The following LHFPL3 variants were observed in gnomAD, a reference collection of about 807,000 sequenced individuals.
LHFPL3 encodes LHFPL tetraspan subfamily member 3 protein.
Under a neutral mutation model 19.3 loss-of-function variants are expected in LHFPL3, and 5 were observed. The ratio of observed to expected loss-of-function variants is 0.26; its 90% CI spans 0.14 to 0.54. The LOEUF (loss-of-function observed/expected upper bound fraction) is 0.54. Among genes scored for constraint, LHFPL3 ranks in the 20% least tolerant of loss-of-function variants. The probability of loss-of-function intolerance (pLI) is 0.94; values close to 1 mark genes in which losing one functional copy is unlikely to be tolerated. For missense variants in LHFPL3, 249 were observed against 307.4 expected, an observed-to-expected ratio of 0.81 and a Z score of 1.42; for synonymous variants, 133 against 126.2, an observed-to-expected ratio of 1.05 and a Z score of -0.36.
intron 2 of LHFPL3, among the ~76,000 whole-genome samples, chr7:104,825,569 A>T (rs1790801391): frequency 6.6e-6 from 1 of 151,990 alleles, no homozygotes; most frequent in African/African-American, 2.4e-5. Context: ...GGATTAAGTC[A>T]GCTGCACATA....
chr7:104,587,091 C>A (rs1172810271), intron 1 of LHFPL3, among the ~76,000 whole-genome samples: 3 of 151,452 alleles, frequency 2.0e-5, no homozygotes, highest in Admixed American at 2.0e-4. Context: ...ATTCATTTAG[C>A]CTGTTTTTTT....
At chr7:104,391,057 T>G (rs1791056185) in intron 1 of LHFPL3, among the ~76,000 whole-genome samples, 1 of 152,218 alleles carries the variant, frequency 6.6e-6, no homozygotes, top group Non-Finnish European at 1.5e-5. Context: ...TAAATTTGTT[T>G]GAGTTCTTTG....
chr7:104,594,989 C>G lies in LHFPL3; in HGVS notation c.446-141686C>G, dbSNP rs1254356696. On this transcript the variant is annotated intron_variant, in intron 1 of 2. Transcript: ENST00000424859. ...TCCTTACGATGGGTTCAAACGTCCT[C>G]TTTTAGCTCGGAGAAGTTTGTTATT... Among the ~76,000 whole-genome samples, 3 of 152,330 alleles carry G rather than the reference C, an allele frequency of 2.0e-5. No homozygotes were observed. The East Asian group carries it at 5.8e-4, about 29-fold the overall frequency.
In LHFPL3 at chr7:104,427,733, A is replaced by G. The variant is rs1170748567; in HGVS notation, c.445+98509A>G. Among the ~76,000 whole-genome samples the G allele has an allele frequency of 2.0e-5, 3 of 152,220 alleles. No homozygotes were observed. In the East Asian group the frequency reaches 5.8e-4, roughly 29 times the overall value. On this transcript the variant is annotated intron_variant, in intron 1 of 2. Transcript: ENST00000424859. ...GGGGTTATGAGCAGACCAGTGGTTGATGTGGAATCAGAAGTTCTGAACTCT... is the reference window on the plus strand; with the variant it reads ...GGGGTTATGAGCAGACCAGTGGTTGGTGTGGAATCAGAAGTTCTGAACTCT...
intron 2 of LHFPL3, among the ~76,000 whole-genome samples, chr7:104,902,690 G>T (rs1303118215): frequency 1.3e-5 from 2 of 152,158 alleles, no homozygotes; most frequent in African/African-American, 4.8e-5. Flanking sequence ...GGAAGCTTAG[G>T]CAGGAGAATC....
At chr7:104,518,510 A>G (rs960565582) in intron 1 of LHFPL3, among the ~76,000 whole-genome samples, 1 of 144,350 alleles carries the variant, frequency 6.9e-6, no homozygotes, top group Non-Finnish European at 1.5e-5. Context: ...AAATTCTACT[A>G]CTGGACACAT....
chr7:104,422,748 A>G (rs1363298954), intron 1 of LHFPL3, among the ~76,000 whole-genome samples: 2 of 152,226 alleles, frequency 1.3e-5, no homozygotes, highest in Non-Finnish European at 2.9e-5. Flanking sequence ...TAGTGTACCA[A>G]AAAAGATTCA....
At chr7:104,551,394 A>C (rs569580375) in intron 1 of LHFPL3, among the ~76,000 whole-genome samples, 1 of 152,016 alleles carries the variant, frequency 6.6e-6, no homozygotes, top group Non-Finnish European at 1.5e-5. Context: ...CTTGGTTTGC[A>C]GGCAGGATCT....
intron 1 of LHFPL3, among the ~76,000 whole-genome samples, chr7:104,634,907 T>G (rs916123332): frequency 6.6e-6 from 1 of 152,050 alleles, no homozygotes; most frequent in East Asian, 1.9e-4. Flanking sequence ...ACATGAAATG[T>G]AGAAACTAAA....
intron 2 of LHFPL3, among the ~76,000 whole-genome samples, chr7:104,811,116 T>C (rs1428898225): frequency 6.7e-6 from 1 of 149,766 alleles, no homozygotes; most frequent in Non-Finnish European, 1.5e-5. Flanking sequence ...TTTCTTTCTC[T>C]CTCTTTCTCT....
chr7:104,341,820 T>C (rs2116367505), intron 1 of LHFPL3, among the ~76,000 whole-genome samples: 1 of 152,188 alleles, frequency 6.6e-6, no homozygotes, highest in Admixed American at 6.5e-5. Flanking sequence ...TCCAGACTCA[T>C]TTTCTCCCTG....
intron 1 of LHFPL3, among the ~76,000 whole-genome samples, chr7:104,558,455 T>C (rs1308452363): frequency 6.6e-6 from 1 of 152,130 alleles, no homozygotes; most frequent in African/African-American, 2.4e-5. Flanking sequence ...TTTCATGTGT[T>C]TTTTGGCTGC....
At chr7:104,752,267 G>A (rs1007678263) in intron 2 of LHFPL3, among the ~76,000 whole-genome samples, 12 of 152,190 alleles carry the variant, frequency 7.9e-5, no homozygotes, top group South Asian at 2.1e-4. Flanking sequence ...AGCCATTACC[G>A]GCTCTGCTAC....
chr7:104,388,404 A>T (rs1308121148), intron 1 of LHFPL3, among the ~76,000 whole-genome samples: 172 of 152,282 alleles, frequency 1.1e-3, no homozygotes, highest in African/African-American at 4.0e-3. Context: ...CCTCAATAAG[A>T]CATACAGCTG....
intron 1 of LHFPL3, among the ~76,000 whole-genome samples, chr7:104,401,336 C>T (rs1238488121): frequency 6.6e-6 from 1 of 152,070 alleles, no homozygotes; most frequent in Non-Finnish European, 1.5e-5. Context: ...TATAGCTGAC[C>T]ATCTAACTTT....
chr7:104,364,690 C>T (rs1225963749), intron 1 of LHFPL3, among the ~76,000 whole-genome samples: 1 of 152,192 alleles, frequency 6.6e-6, no homozygotes, highest in Non-Finnish European at 1.5e-5. Context: ...TTTGTCCACT[C>T]TAGCAAGAAC....
intron 1 of LHFPL3, among the ~76,000 whole-genome samples, chr7:104,374,304 T>C (rs1414464111): frequency 6.6e-6 from 1 of 151,852 alleles, no homozygotes; most frequent in African/African-American, 2.4e-5. Context: ...TACAATGGCG[T>C]GATCTTGGCT....
intron 2 of LHFPL3, among the ~76,000 whole-genome samples, chr7:104,847,247 A>G (rs996911592): frequency 1.3e-5 from 2 of 152,226 alleles, no homozygotes; most frequent in African/African-American, 4.8e-5. Flanking sequence ...AGCAGACCCA[A>G]CAGGTGAACA....
chr7:104,702,454 A>C lies in LHFPL3; in HGVS notation c.446-34221A>C, dbSNP rs367849160. ...ACTCACGATTCAGAATAAGGCAAAA[A>C]TAAGCTCATGGTGAACCCTGCATAT... On this transcript the variant is annotated intron_variant, in intron 1 of 2. Coordinates refer to ENST00000424859, the MANE Select transcript of LHFPL3 (RefSeq NM_199000.3). Among the ~76,000 whole-genome samples, 17 of 152,306 alleles carry C rather than the reference A, an allele frequency of 1.1e-4. No homozygotes were observed. In the East Asian group the frequency reaches 3.1e-3, roughly 28 times the overall value.
Sources: allele counts gnomAD v4.1 joint callset (sites outside exome capture counted in the v4.1 genomes callset), GRCh38; gene constraint gnomAD v4.1.1; transcripts MANE v1.5; gene names NCBI Gene and HGNC (gene_info 2026-07-23, HGNC 2026-07-21).